The following LIPC variants were observed in gnomAD, a reference collection of about 807,000 sequenced individuals.
The protein encoded by LIPC is lipase C, hepatic type, also known as hepatic triacylglycerol lipase.
A neutral mutation model predicts 50.7 loss-of-function variants in LIPC; 44 were observed. The observed-to-expected ratio is 0.87, with a 90% CI of 0.68 to 1.11. The LOEUF is 1.11. Ranked by LOEUF, LIPC falls within the 50% of genes most tolerant of loss-of-function variation. The probability of loss-of-function intolerance (pLI) is 0.00; values close to 1 mark genes in which losing one functional copy is unlikely to be tolerated. For missense variants in LIPC, 697 were observed against 648.2 expected, an observed-to-expected ratio of 1.08 and a Z score of -0.82; for synonymous variants, 271 against 256.4, an observed-to-expected ratio of 1.06 and a Z score of -0.54.
chr15:58,478,805 C>T (rs1891089127), intron 1 of LIPC, among the ~76,000 whole-genome samples: 1 of 152,190 alleles, frequency 6.6e-6, no homozygotes, highest in African/African-American at 2.4e-5. Flanking sequence ...ATTCTTCACA[C>T]CTCCCACAAT....
intron 1 of LIPC, among the ~76,000 whole-genome samples, chr15:58,452,129 TTA>T (rs1280262973): frequency 6.6e-6 from 1 of 152,138 alleles, no homozygotes; most frequent in Non-Finnish European, 1.5e-5. Flanking sequence ...CAGTGATGCT[TTA>T]GTCTATTCCA....
intron 1 of LIPC, among the ~76,000 whole-genome samples, chr15:58,472,076 C>T (rs536124978): frequency 1.3e-5 from 2 of 151,974 alleles, no homozygotes; most frequent in African/African-American, 4.8e-5. Context: ...TCAAGACCAG[C>T]CTGATCAACA....
chr15:58,551,342 T>C (rs1893751254), intron 6 of LIPC, among the ~76,000 whole-genome samples: 1 of 152,214 alleles, frequency 6.6e-6, no homozygotes, highest in African/African-American at 2.4e-5. Flanking sequence ...CATGGGATAC[T>C]GCTATCTATA....
At chr15:58,467,143 C>T (rs1894596495) in intron 1 of LIPC, among the ~76,000 whole-genome samples, 1 of 151,990 alleles carries the variant, frequency 6.6e-6, no homozygotes, top group African/African-American at 2.4e-5. Context: ...GTTTACTGAC[C>T]CTGGGAAATA....
At chr15:58,467,116 T>C (rs1232159667) in intron 1 of LIPC, among the ~76,000 whole-genome samples, 1 of 152,342 alleles carries the variant, frequency 6.6e-6, no homozygotes, top group East Asian at 1.9e-4. Flanking sequence ...TTTCATTCAT[T>C]GCATTCCCAT....
rs1190850269 is a variant in LIPC, at chr15:58,519,389, T to C, written c.89-18944T>C. ...TTGTGCCACTGCACTCCAGCCTGGG[T>C]GACACAGAGAGACTCTGTCTCAAAA... On this transcript the variant is annotated intron_variant, in intron 1 of 8. Coordinates refer to ENST00000299022, the MANE Select transcript of LIPC (RefSeq NM_000236.3). Among the ~76,000 whole-genome samples the C allele has an allele frequency of 8.5e-5, 12 of 140,360 alleles. No individual in the cohort carries two copies. The South Asian group carries it at 1.8e-3, about 21-fold the overall frequency. The allele number at this position is 140,360 out of a possible 152,430, so 92.1% of individuals were successfully genotyped here.
chr15:58,557,748 C>A (rs1253202624), intron 6 of LIPC, among the ~76,000 whole-genome samples: 2 of 152,172 alleles, frequency 1.3e-5, no homozygotes, highest in Non-Finnish European at 2.9e-5. Context: ...CCAATTAATA[C>A]ATATCATATT....
intron 1 of LIPC, among the ~76,000 whole-genome samples, chr15:58,462,222 G>A (rs1459295902): frequency 6.6e-6 from 1 of 152,240 alleles, no homozygotes; most frequent in South Asian, 2.1e-4. Flanking sequence ...AAGGCAGAGA[G>A]AGGCTGGGCC....
chr15:58,479,767 G>A (rs1472309087), intron 1 of LIPC, among the ~76,000 whole-genome samples: 1 of 152,168 alleles, frequency 6.6e-6, no homozygotes, highest in Non-Finnish European at 1.5e-5. Flanking sequence ...CCAATATTTT[G>A]TTTCCCAAAT....
At chr15:58,511,299 G>C (rs1363060716) in intron 1 of LIPC, among the ~76,000 whole-genome samples, 1 of 152,158 alleles carries the variant, frequency 6.6e-6, no homozygotes, top group African/African-American at 2.4e-5. Context: ...TCGGGGATCT[G>C]CCTGGGGAGG....
intron 1 of LIPC, among the ~76,000 whole-genome samples, chr15:58,535,224 C>G (rs577980258): frequency 4.9e-4 from 74 of 152,354 alleles, no homozygotes; most frequent in African/African-American, 1.4e-3. Flanking sequence ...TTGCATCCCC[C>G]ACCCCACCAT....
intron 1 of LIPC, chr15:58,522,461 A>G (rs749473301): frequency 6.6e-6 from 1 of 152,412 alleles, no homozygotes; most frequent in Non-Finnish European, 1.5e-5. Flanking sequence ...AAATCCAGAC[A>G]CACTGGAGCC....
At chr15:58,434,550 G>C (rs536530022) in intron 1 of LIPC, among the ~76,000 whole-genome samples, 16 of 152,274 alleles carry the variant, frequency 1.1e-4, no homozygotes, top group Non-Finnish European at 2.1e-4. Flanking sequence ...GCTCTGTGTC[G>C]AGCCCACACC....
intron 8 of LIPC, among the ~76,000 whole-genome samples, chr15:58,566,652 G>A (rs1894374510): frequency 6.6e-6 from 1 of 152,064 alleles, no homozygotes; most frequent in Admixed American, 6.6e-5. Context: ...TTCCCCCAAA[G>A]GCACAAAATC....
At chr15:58,501,591 C>T (rs1256907792) in intron 1 of LIPC, among the ~76,000 whole-genome samples, 3 of 152,090 alleles carry the variant, frequency 2.0e-5, no homozygotes, top group Admixed American at 6.5e-5. Flanking sequence ...CTTCCATCAG[C>T]GCTGAATGAA....
At chr15:58,439,928 G>A (rs920292320) in intron 1 of LIPC, among the ~76,000 whole-genome samples, 4 of 151,770 alleles carry the variant, frequency 2.6e-5, no homozygotes, top group Non-Finnish European at 5.9e-5. Context: ...TGACTTCCAG[G>A]CTAGGGTGCT....
At position 58,566,131 on chromosome 15, in the gene LIPC, G is replaced by T; in HGVS notation, c.1388+2408G>T. 1.1e-5 allele frequency: 11 copies of T among 977,764 alleles called. No homozygotes were observed. In the South Asian group the frequency reaches 4.3e-4, roughly 38 times the overall value. The allele number at this position is 977,764 out of a possible 1,614,324, so 60.6% of individuals were successfully genotyped here. On this transcript the variant is annotated intron_variant, in intron 8 of 8. Transcript: ENST00000299022. The stretch of plus-strand genomic sequence containing the variant: ...CTGATGTTCTGCATTTCTAACAAGC[G>T]ACCAGGCAATGCTGTTGCTGCAGGT...
At chr15:58,494,797 G>T (rs1304553910) in intron 1 of LIPC, 1 of 456,280 alleles carries the variant, frequency 2.2e-6, no homozygotes, top group African/African-American at 2.0e-5. Flanking sequence ...GGAATCTGGA[G>T]TTCTTGCTAG....
intron 1 of LIPC, among the ~76,000 whole-genome samples, chr15:58,494,305 C>G (rs995274103): frequency 2.0e-5 from 3 of 152,304 alleles, no homozygotes; most frequent in African/African-American, 7.2e-5. Context: ...TGGGAGAGGA[C>G]CACACAGGGT....
Sources: gnomAD v4.1 joint callset for allele counts (sites outside exome capture counted in the v4.1 genomes callset) on GRCh38, gnomAD v4.1.1 for gene constraint, MANE v1.5 for transcripts, NCBI Gene and HGNC (gene_info 2026-07-23, HGNC 2026-07-21) for gene names.